The following CSMD1 variants were observed in gnomAD, a reference collection of about 807,000 sequenced individuals.
CSMD1 encodes the protein CUB and Sushi multiple domains 1, also known as CUB and sushi domain-containing protein 1.
In CSMD1, 213 loss-of-function variants were observed where a neutral mutation model predicts 417.5. The ratio of observed to expected loss-of-function variants is 0.51; its 90% confidence interval spans 0.46 to 0.57. CSMD1 has a LOEUF of 0.57. CSMD1 is among the 20% of genes least tolerant of loss of function. The pLI is 0.00. For synonymous variants in CSMD1, 2,862 were observed against 1,736.8 expected, an observed-to-expected ratio of 1.65 and a Z score of -16.11; for missense variants, 6,923 against 4,529.7, an observed-to-expected ratio of 1.53 and a Z score of -15.17.
chr8:4,303,307 T>C (rs1798077633), intron 3 of CSMD1, among the ~76,000 whole-genome samples: 2 of 152,110 alleles, frequency 1.3e-5, no homozygotes, highest in South Asian at 4.1e-4. Flanking sequence ...AGTTATAACC[T>C]GGCACTGACA....
chr8:4,557,612 A>T (rs866140340), intron 2 of CSMD1, among the ~76,000 whole-genome samples: 13 of 152,056 alleles, frequency 8.5e-5, no homozygotes, highest in African/African-American at 3.1e-4. Context: ...GAGGTGGGGG[A>T]AGGGGGACAG....
At chr8:4,194,907 T>A (rs1799241652) in intron 3 of CSMD1, among the ~76,000 whole-genome samples, 1 of 152,148 alleles carries the variant, frequency 6.6e-6, no homozygotes, top group South Asian at 2.1e-4. Context: ...TTAGTTCTAA[T>A]TTAATGGGAG....
chr8:4,746,515 A>G (rs1810964790), intron 1 of CSMD1, among the ~76,000 whole-genome samples: 1 of 152,208 alleles, frequency 6.6e-6, no homozygotes. Flanking sequence ...GAGAGCAATT[A>G]AAAGGTCTGT....
At chr8:3,431,260 C>A (rs999841061) in intron 12 of CSMD1, among the ~76,000 whole-genome samples, 1 of 152,138 alleles carries the variant, frequency 6.6e-6, no homozygotes, top group Non-Finnish European at 1.5e-5. Flanking sequence ...ACCTTCCCTC[C>A]CATGTGCAGA....
chr8:4,772,835 T>G (rs1240443605), intron 1 of CSMD1, among the ~76,000 whole-genome samples: 1 of 152,198 alleles, frequency 6.6e-6, no homozygotes, highest in Non-Finnish European at 1.5e-5. Context: ...AAGTTTGATA[T>G]GTATGTCTGC....
At chr8:3,933,486 G>C (rs559432770) in intron 5 of CSMD1, among the ~76,000 whole-genome samples, 14 of 152,120 alleles carry the variant, frequency 9.2e-5, no homozygotes, top group African/African-American at 2.9e-4. Context: ...ACCCCTTTCA[G>C]CCATGGTCTT....
intron 25 of CSMD1, among the ~76,000 whole-genome samples, chr8:3,288,409 G>A (rs918019055): frequency 1.4e-5 from 2 of 147,122 alleles, no homozygotes; most frequent in South Asian, 4.2e-4. Context: ...GTAGAATTCG[G>A]CTGTGAATCC....
intron 7 of CSMD1, among the ~76,000 whole-genome samples, chr8:3,706,829 T>C (rs748629458): frequency 6.6e-6 from 1 of 152,202 alleles, no homozygotes; most frequent in Non-Finnish European, 1.5e-5. Flanking sequence ...AAGCTAACAA[T>C]ATCAAAATGT....
intron 3 of CSMD1, among the ~76,000 whole-genome samples, chr8:4,159,983 T>A (rs563086804): frequency 6.6e-6 from 1 of 151,874 alleles, no homozygotes; most frequent in Non-Finnish European, 1.5e-5. Flanking sequence ...ACCAATTGGG[T>A]TCAATGTATA....
chr8:3,137,430 C>T (rs1242495384), intron 41 of CSMD1, among the ~76,000 whole-genome samples: 3 of 152,216 alleles, frequency 2.0e-5, no homozygotes, highest in Non-Finnish European at 4.4e-5. Context: ...CAGGTGTGCA[C>T]TGGGGAGCAA....
intron 11 of CSMD1, among the ~76,000 whole-genome samples, chr8:3,487,313 T>A (rs1489346421): frequency 6.6e-6 from 1 of 152,182 alleles, no homozygotes; most frequent in Non-Finnish European, 1.5e-5. Flanking sequence ...GCCATTCTCC[T>A]GCCTCAGCCT....
At chr8:4,740,700 G>A (rs897599148) in intron 1 of CSMD1, among the ~76,000 whole-genome samples, 1 of 152,178 alleles carries the variant, frequency 6.6e-6, no homozygotes, top group African/African-American at 2.4e-5. Context: ...GGGTGAGGTT[G>A]AAGTGAGCCA....
chr8:3,522,185 A>C (rs574005631), intron 10 of CSMD1, among the ~76,000 whole-genome samples: 1 of 152,206 alleles, frequency 6.6e-6, no homozygotes, highest in Non-Finnish European at 1.5e-5. Context: ...AATGTGAAAA[A>C]TCGTTATATG....
At chr8:4,367,702 G>A (rs755365212) in intron 3 of CSMD1, among the ~76,000 whole-genome samples, 1 of 152,046 alleles carries the variant, frequency 6.6e-6, no homozygotes, top group Admixed American at 6.6e-5. Flanking sequence ...AGCACTGAAT[G>A]GTTTTCATCT....
intron 1 of CSMD1, among the ~76,000 whole-genome samples, chr8:4,749,803 T>C (rs1476459781): frequency 6.6e-6 from 1 of 152,122 alleles, no homozygotes; most frequent in Non-Finnish European, 1.5e-5. Context: ...TATGACACAT[T>C]GTTTAAACCA....
rs965289433 is a variant in CSMD1, at chr8:3,931,952, A to G, written c.818+65951T>C. On this transcript the variant is annotated intron_variant, in intron 5 of 69. Transcript: ENST00000635120. ...CCCAATTGTAGCTGTAGAATCTAAAAAGGACTTTTTAAAAAATTAAAATAG... is the reference window on the plus strand; with the variant it reads ...CCCAATTGTAGCTGTAGAATCTAAAGAGGACTTTTTAAAAAATTAAAATAG... 1.7e-4 allele frequency among the ~76,000 whole-genome samples: 25 copies of G among 150,004 alleles called. 1 individual carries two copies. The highest frequency in any genetic ancestry group is 6.1e-4 in the African/African-American group (25 of 40,682).
At chr8:3,585,548 G>C (rs1330197716) in intron 9 of CSMD1, among the ~76,000 whole-genome samples, 1 of 152,054 alleles carries the variant, frequency 6.6e-6, no homozygotes, top group Non-Finnish European at 1.5e-5. Context: ...AAGAATTTGT[G>C]TATACTTCAT....
rs73661118 is a variant in CSMD1, at chr8:4,761,962, T to C, written c.86-124404A>G. Among the ~76,000 whole-genome samples the C allele has an allele frequency of 2.5e-3, 370 of 150,052 alleles. 4 individuals carry two copies. Among genetic ancestry groups the C allele is most frequent in the African/African-American group, 8.8e-3 (357 of 40,456 alleles). On this transcript the variant is annotated intron_variant, in intron 1 of 69. Coordinates refer to ENST00000635120, the MANE Select transcript of CSMD1 (RefSeq NM_033225.6). ...ATCTATCTATCTATCTATCTATCTA[T>C]CTAGATTCCCAGTGGAAAAGCAACC...
intron 3 of CSMD1, among the ~76,000 whole-genome samples, chr8:4,211,589 G>A (rs1013284440): frequency 5.9e-5 from 9 of 152,184 alleles, no homozygotes; most frequent in South Asian, 2.1e-4. Context: ...TTGCTGAAAC[G>A]GCAAAAGTCA....
Sources: gnomAD v4.1 joint callset for allele counts (sites outside exome capture counted in the v4.1 genomes callset) on GRCh38, gnomAD v4.1.1 for gene constraint, MANE v1.5 for transcripts, NCBI Gene and HGNC (gene_info 2026-07-23, HGNC 2026-07-21) for gene names.